The following EXOC2 variants were observed in gnomAD, a reference collection of about 807,000 sequenced individuals.
The protein encoded by EXOC2 is SEC5-like 1.
Under a neutral mutation model 131.8 loss-of-function variants are expected in EXOC2, and 70 were observed. The ratio of observed to expected loss-of-function variants is 0.53; its 90% CI spans 0.44 to 0.65. EXOC2 has a LOEUF of 0.65. EXOC2 is among the 30% of genes least tolerant of loss of function. EXOC2 has a pLI of 0.00. For synonymous variants in EXOC2, 411 were observed against 398.4 expected (o/e 1.03, Z -0.38); for missense variants, 923 against 1,108.6 (o/e 0.83, Z 2.38).
At chr6:507,288 A>G (rs1446760054) in intron 23 of EXOC2, among the ~76,000 whole-genome samples, 1 of 105,066 alleles carries the variant, frequency 9.5e-6, no homozygotes, top group Non-Finnish European at 1.8e-5. Flanking sequence ...CACACACAGC[A>G]GTGACTACAC....
chr6:660,670 T>C (rs1415647266), intron 1 of EXOC2, among the ~76,000 whole-genome samples: 1 of 152,122 alleles, frequency 6.6e-6, no homozygotes, highest in Non-Finnish European at 1.5e-5. Context: ...GCCCTAGACC[T>C]TCCCTCTGAC....
chr6:631,013 CAA>C (rs1447215172), intron 3 of EXOC2, among the ~76,000 whole-genome samples: 1 of 152,230 alleles, frequency 6.6e-6, no homozygotes, highest in Non-Finnish European at 1.5e-5. Context: ...GCTAGGCCTC[CAA>C]GGCCCTGGGC....
intron 2 of EXOC2, among the ~76,000 whole-genome samples, chr6:634,139 C>T (rs1242142165): frequency 2.0e-5 from 3 of 151,944 alleles, no homozygotes; most frequent in African/African-American, 7.3e-5. Context: ...GATCTTGGCT[C>T]AATGCAACCT....
intron 4 of EXOC2, among the ~76,000 whole-genome samples, chr6:623,305 A>G (rs1033927475): frequency 1.3e-5 from 2 of 152,180 alleles, no homozygotes; most frequent in South Asian, 2.1e-4. Context: ...TCGTTCCTTC[A>G]GGCCCCTGAA....
At chr6:531,149 A>AT (rs1283085704) in intron 23 of EXOC2, among the ~76,000 whole-genome samples, 1 of 152,164 alleles carries the variant, frequency 6.6e-6, no homozygotes, top group Non-Finnish European at 1.5e-5. Context: ...GATCCAATTT[A>AT]TATTTTAGAA....
At chr6:610,202 A>G (rs760760093) in intron 6 of EXOC2, 24 bp from the exon 7 acceptor site, 2 of 1,592,212 alleles carry the variant, frequency 1.3e-6, no homozygotes, top group Admixed American at 3.3e-5. Context: ...TCTAGTTAAA[A>G]TGTAGGCCAT....
chr6:608,220 G>T (rs903682499), intron 7 of EXOC2, among the ~76,000 whole-genome samples: 1 of 152,198 alleles, frequency 6.6e-6, no homozygotes, highest in Non-Finnish European at 1.5e-5. Context: ...CTACGAACCC[G>T]CCTGGGCGGG....
intron 1 of EXOC2, among the ~76,000 whole-genome samples, chr6:675,025 C>T (rs779366369): frequency 1.3e-5 from 2 of 152,110 alleles, no homozygotes; most frequent in Non-Finnish European, 2.9e-5. Flanking sequence ...CATTCCTTCC[C>T]GGGAAAACCA....
intron 11 of EXOC2, among the ~76,000 whole-genome samples, chr6:584,639 T>C (rs1215953199): frequency 6.6e-6 from 1 of 152,224 alleles, no homozygotes; most frequent in Non-Finnish European, 1.5e-5. Flanking sequence ...AGATGGAACA[T>C]ACCATCTCTA....
chr6:650,439 T>C (rs928106756), intron 1 of EXOC2, among the ~76,000 whole-genome samples: 1 of 151,554 alleles, frequency 6.6e-6, no homozygotes, highest in Non-Finnish European at 1.5e-5. Context: ...TTTTCACAAT[T>C]AAACTAAAAA....
intron 1 of EXOC2, among the ~76,000 whole-genome samples, chr6:680,091 A>AGTTCC (rs1227391922): frequency 1.3e-5 from 2 of 152,180 alleles, no homozygotes; most frequent in African/African-American, 4.8e-5. Flanking sequence ...GGAACCTCCA[A>AGTTCC]GTTCCCATCA....
At chr6:568,555 G>A (rs1243386959) in intron 13 of EXOC2, among the ~76,000 whole-genome samples, 2 of 152,082 alleles carry the variant, frequency 1.3e-5, no homozygotes, top group South Asian at 2.1e-4. Flanking sequence ...GTGAGTGCAG[G>A]GATAGGCATA....
chr6:540,102 C>T (rs888763780), intron 22 of EXOC2, among the ~76,000 whole-genome samples: 6 of 152,188 alleles, frequency 3.9e-5, no homozygotes, highest in East Asian at 1.9e-4. Flanking sequence ...GCCACACATG[C>T]GCACACCATG....
chr6:690,567 G>A (rs2127823581), intron 1 of EXOC2, among the ~76,000 whole-genome samples: 1 of 152,208 alleles, frequency 6.6e-6, no homozygotes, highest in Non-Finnish European at 1.5e-5. Flanking sequence ...GTCGGGCGTG[G>A]TGACGGGCGC....
intron 11 of EXOC2, among the ~76,000 whole-genome samples, chr6:588,628 C>T (rs1289667292): frequency 2.0e-5 from 3 of 152,248 alleles, no homozygotes; most frequent in Admixed American, 6.5e-5. Flanking sequence ...GTTGGGATTA[C>T]AGGCGTGGGC....
intron 25 of EXOC2, among the ~76,000 whole-genome samples, chr6:491,972 G>A (rs1248895842): frequency 6.6e-6 from 1 of 152,212 alleles, no homozygotes; most frequent in African/African-American, 2.4e-5. Flanking sequence ...GCAGAAGAAT[G>A]AAGTTGAATC....
At chr6:656,068 G>A (rs1036822420) in intron 1 of EXOC2, 1 of 1,471,264 alleles carries the variant, frequency 6.8e-7, no homozygotes, top group East Asian at 2.3e-5. Flanking sequence ...GTTTTGAAAA[G>A]ATCAAAACCT....
intron 7 of EXOC2, among the ~76,000 whole-genome samples, chr6:601,088 CTAA>C (rs1295387619): frequency 2.6e-5 from 4 of 152,118 alleles, no homozygotes; most frequent in Non-Finnish European, 4.4e-5. Flanking sequence ...TTTAGGGCTA[CTAA>C]TAAGAAAACA....
chr6:634,813 T>C (rs371803524), intron 2 of EXOC2, among the ~76,000 whole-genome samples: 4 of 152,286 alleles, frequency 2.6e-5, no homozygotes, highest in South Asian at 4.1e-4. Context: ...AATGGGCATG[T>C]CTTTGATATT....
Sources: allele counts gnomAD v4.1 joint callset (sites outside exome capture counted in the v4.1 genomes callset), GRCh38; gene constraint gnomAD v4.1.1; transcripts MANE v1.5; gene names NCBI Gene and HGNC (gene_info 2026-07-23, HGNC 2026-07-21).